Variants in CDC73 observed in about 807,000 individuals in gnomAD.
CDC73 encodes the protein parafibromin.
CDC73 carries 21 observed loss-of-function variants against 83.7 expected under a neutral mutation model. The ratio of observed to expected loss-of-function variants is 0.25; its 90% CI spans 0.18 to 0.36. The LOEUF is 0.36. CDC73 is among the 10% of genes least tolerant of loss of function. The probability of loss-of-function intolerance (pLI) is 1.00; values close to 1 mark genes in which losing one functional copy is unlikely to be tolerated. For synonymous variants in CDC73, 224 were observed against 212.9 expected (o/e 1.05, Z -0.45); for missense variants, 342 against 653.3 (o/e 0.52, Z 5.19).
intron 10 of CDC73, among the ~76,000 whole-genome samples, chr1:193,165,407 A>G (rs1572170407): frequency 6.6e-6 from 1 of 152,240 alleles, no homozygotes; most frequent in South Asian, 2.1e-4. Context: ...TGTAAAGTAC[A>G]AATAGAGAAG....
At chr1:193,163,142 TTTGTGGGG>T (rs1676368371) in intron 10 of CDC73, among the ~76,000 whole-genome samples, 1 of 121,538 alleles carries the variant, frequency 8.2e-6, no homozygotes, top group Non-Finnish European at 1.7e-5. Flanking sequence ...CATCAAGAAC[TTTGTGGGG>T]TTGTGTGTGT....
chr1:193,184,435 C>T (rs1459846190), intron 10 of CDC73, among the ~76,000 whole-genome samples: 2 of 151,886 alleles, frequency 1.3e-5, no homozygotes, highest in Non-Finnish European at 2.9e-5. Context: ...TGCACTTTTA[C>T]ATTTTTAGAA....
intron 11 of CDC73, among the ~76,000 whole-genome samples, chr1:193,205,155 A>C (rs1677164231): frequency 7.7e-6 from 1 of 129,140 alleles, no homozygotes; most frequent in African/African-American, 3.3e-5. Context: ...TTATTTTTAC[A>C]TTTATTTAGC....
chr1:193,181,962 AT>A lies in CDC73; in HGVS notation c.973-21830del, dbSNP rs540099698. 2.1e-3 allele frequency among the ~76,000 whole-genome samples: 318 copies of A among 152,296 alleles called. 1 individual carries two copies. The highest frequency in any genetic ancestry group is 7.4e-3 in the African/African-American group (306 of 41,562). ...TTTGTACTTTTGACCCAAGTTAAAG[AT>A]TTAAAAGTTGAATGTATTCGAGAAA... On this transcript the variant is annotated intron_variant, in intron 10 of 16. Transcript: ENST00000367435.
chr1:193,235,517 G>A (rs1677741946), intron 14 of CDC73, among the ~76,000 whole-genome samples: 1 of 151,932 alleles, frequency 6.6e-6, no homozygotes, highest in South Asian at 2.1e-4. Context: ...TTTAGTTATT[G>A]GCTTTAACTG....
At position 193,130,224 on chromosome 1, in the gene CDC73, A is replaced by T. The variant is rs144194535; in HGVS notation, c.288A>T (p.Gly96=). The T allele has an allele frequency of 1.2e-6, 2 of 1,603,122 alleles. No individual in the cohort carries two copies. The highest frequency in any genetic ancestry group is 1.7e-6 in the Non-Finnish European group (2 of 1,170,298). Residue 96 remains glycine, a synonymous_variant, in exon 3 of 17, where the codon GGA becomes GGT. Coordinates refer to ENST00000367435, the MANE Select transcript of CDC73 (RefSeq NM_024529.5). The part of the protein sequence containing the change: ...VRRPDRKDLL[G]YLNGEASTSA... Reference sequence around the variant, plus strand: ...GACCTGATCGAAAAGATCTACTTGGATATCTCAATGGTGAAGCGTGTGAGT... The same window carrying T: ...GACCTGATCGAAAAGATCTACTTGGTTATCTCAATGGTGAAGCGTGTGAGT...
rs1678038189 is a variant in CDC73 at position 193,251,195 on chromosome 1, C to G, written c.*483C>G. The G allele has an allele frequency of 4.2e-6, 1 of 238,568 alleles. No individual in the cohort carries two copies. Among genetic ancestry groups the G allele is most frequent in the Non-Finnish European group, 8.3e-6 (1 of 121,040 alleles). The allele number at this position is 238,568 out of a possible 1,614,324, so 14.8% of individuals were successfully genotyped here. A position where few individuals can be genotyped will look rare whatever the true frequency, so the allele number is the denominator to read the frequency against. On this transcript the variant is annotated 3_prime_UTR_variant, in exon 17 of 17. Transcript: ENST00000367435. ...ATCAGAATGTCAACTTGTATGTACACTATATCTACACTTACTCATTATTTA... is the reference window on the plus strand; with the variant it reads ...ATCAGAATGTCAACTTGTATGTACAGTATATCTACACTTACTCATTATTTA...
At chr1:193,205,690 A>G (rs796824993) in intron 11 of CDC73, among the ~76,000 whole-genome samples, 9 of 152,266 alleles carry the variant, frequency 5.9e-5, no homozygotes, top group African/African-American at 2.2e-4. Context: ...TCATACCAGA[A>G]TCCATCGTGA....
At chr1:193,204,273 GTGTGTA>G (rs1218243865) in intron 11 of CDC73, among the ~76,000 whole-genome samples, 1 of 133,696 alleles carries the variant, frequency 7.5e-6, no homozygotes, top group African/African-American at 2.8e-5. Context: ...GTGTGTGTGT[GTGTGTA>G]TATATATATT....
chr1:193,192,477 T>A (rs1449734805), intron 10 of CDC73, among the ~76,000 whole-genome samples: 1 of 152,068 alleles, frequency 6.6e-6, no homozygotes, highest in African/African-American at 2.4e-5. Context: ...GTGTTGGAAG[T>A]AAGTAAATAG....
At chr1:193,138,030 T>TC in intron 5 of CDC73, 55 bp from the exon 6 acceptor site, 1 of 1,321,258 alleles carries the variant, frequency 7.6e-7, no homozygotes, top group Non-Finnish European at 1.1e-6. Context: ...TAGCGTTTTT[T>TC]CTTCCTAAAA....
chr1:193,219,718 C>A lies in CDC73; in HGVS notation c.1154+7241C>A, dbSNP rs564908994. Among the ~76,000 whole-genome samples, 25 of 152,200 alleles carry A rather than the reference C, an allele frequency of 1.6e-4. No homozygotes were observed. In the South Asian group the frequency reaches 5.0e-3, roughly 30 times the overall value. ...GACACAAAGAGGGAAACAAAAGACA[C>A]CAGGGCCTACTTGAGGGTGGAAGCT... On this transcript the variant is annotated intron_variant, in intron 13 of 16. Coordinates refer to ENST00000367435, the MANE Select transcript of CDC73 (RefSeq NM_024529.5).
At chr1:193,154,496 C>T (rs1240011573) in intron 10 of CDC73, among the ~76,000 whole-genome samples, 2 of 152,126 alleles carry the variant, frequency 1.3e-5, no homozygotes, top group East Asian at 3.8e-4. Context: ...AAGCAATATA[C>T]TGAAGTATAC....
chr1:193,169,937 T>C (rs969895635), intron 10 of CDC73, among the ~76,000 whole-genome samples: 4 of 152,146 alleles, frequency 2.6e-5, no homozygotes, highest in Non-Finnish European at 5.9e-5. Flanking sequence ...TTTTTTCTGA[T>C]CCTCTCTCTC....
At chr1:193,208,567 C>G (rs1399251035) in intron 11 of CDC73, among the ~76,000 whole-genome samples, 1 of 152,212 alleles carries the variant, frequency 6.6e-6, no homozygotes, top group Non-Finnish European at 1.5e-5. Flanking sequence ...CACTTGTACT[C>G]TTTTCGATCC....
rs4466634 is a variant in CDC73 at position 193,125,245 on chromosome 1, T to C, written c.237+28T>C. 813,472 of 1,232,496 alleles carry C rather than the reference T, an allele frequency of 0.66. 271,963 individuals are homozygous for C. The highest frequency in any genetic ancestry group is 0.76 in the South Asian group (63,601 of 83,352). 76.3% of individuals were successfully genotyped at this position (1,232,496 alleles called of 1,614,324 possible). On this transcript the variant is annotated intron_variant, in intron 2 of 16. Transcript: ENST00000367435. Reference sequence around the variant, plus strand: ...AAGTAGAATTCATTTTACTTATCTATCTATTTATCAGTTTTATTTTTATTT... The same window carrying C: ...AAGTAGAATTCATTTTACTTATCTACCTATTTATCAGTTTTATTTTTATTT...
chr1:193,164,961 T>G (rs575864781), intron 10 of CDC73, among the ~76,000 whole-genome samples: 1 of 152,364 alleles, frequency 6.6e-6, no homozygotes, highest in African/African-American at 2.4e-5. Context: ...CTGACCTTTC[T>G]GCACGTTTGA....
At chr1:193,142,148 A>G (rs1675917940) in intron 7 of CDC73, 82 bp downstream of exon 7, 1 of 1,232,992 alleles carries the variant, frequency 8.1e-7, no homozygotes, top group Admixed American at 1.8e-5. Flanking sequence ...AGAATTGGTT[A>G]AACTTTGCTT....
At chr1:193,132,613 ATT>A (rs778924128) in intron 3 of CDC73, among the ~76,000 whole-genome samples, 10 of 138,738 alleles carry the variant, frequency 7.2e-5, no homozygotes, top group Non-Finnish European at 9.5e-5. Flanking sequence ...GTGCCCAGCC[ATT>A]TTTTTTTTTT....
Sources: gnomAD v4.1 joint callset for allele counts (sites outside exome capture counted in the v4.1 genomes callset) on GRCh38, gnomAD v4.1.1 for gene constraint, MANE v1.5 for transcripts, NCBI Gene and HGNC (gene_info 2026-07-23, HGNC 2026-07-21) for gene names.